RUNDC1: variants seen among roughly 807,000 people sequenced by gnomAD.
RUNDC1 encodes RUN domain containing 1, also known as RUN domain-containing protein 1.
In RUNDC1, 31 loss-of-function variants were observed where a neutral mutation model predicts 49.3. The observed-to-expected ratio is 0.63, with a 90% CI of 0.47 to 0.85. RUNDC1 has a LOEUF of 0.85. Among genes scored for constraint, RUNDC1 ranks in the 40% least tolerant of loss-of-function variants. The pLI is 0.00. For missense variants in RUNDC1, 715 were observed against 806.7 expected (o/e 0.89, Z 1.38); for synonymous variants, 347 against 348.6 (o/e 1.00, Z 0.05).
chr17:42,984,969 C>T (rs898756520), intron 1 of RUNDC1, among the ~76,000 whole-genome samples: 2 of 136,328 alleles, frequency 1.5e-5, no homozygotes, highest in East Asian at 2.4e-4. Context: ...GGTCTTGGCT[C>T]ACTCCAACCT....
rs1418156446 is a variant in RUNDC1, at chr17:42,981,000, G to A, written c.424G>A (p.Gly142Arg). 6.5e-7 allele frequency: 1 copy of A among 1,546,268 alleles called. No individual in the cohort carries two copies. The highest frequency in any genetic ancestry group is 1.4e-5 in the African/African-American group (1 of 73,452). The change falls in exon 1 of 5, where the codon GGG becomes AGG. Residue 142 changes from glycine to arginine, a missense_variant. Coordinates refer to ENST00000361677, the MANE Select transcript of RUNDC1 (RefSeq NM_173079.5). ...RGCPHVLGYE[G>R]PGDPASDEGD... Reference sequence around the variant, plus strand: ...CTGCCCTCACGTCCTAGGTTACGAAGGGCCCGGCGACCCCGCCAGCGATGA... The same window carrying A: ...CTGCCCTCACGTCCTAGGTTACGAAAGGCCCGGCGACCCCGCCAGCGATGA...
Position 42,990,888 on chromosome 17 carries a change from G to T in RUNDC1, c.1014G>T (p.Gly338=). 1 of 1,607,410 alleles carries T rather than the reference G, an allele frequency of 6.2e-7. No homozygotes were observed. Among genetic ancestry groups the T allele is most frequent in the Non-Finnish European group, 8.5e-7 (1 of 1,175,002 alleles). Residue 338 remains glycine, a synonymous_variant, in exon 5 of 5, where the codon GGG becomes GGT. Coordinates refer to ENST00000361677, the MANE Select transcript of RUNDC1 (RefSeq NM_173079.5). ...AEDVKKVRET[G]LHLMRRALAV... is the part of the protein sequence containing the mutation. The stretch of plus-strand genomic sequence containing the variant: ...ATGTGAAGAAAGTCCGGGAGACGGG[G>T]CTGCACCTGATGCGGCGAGCGCTGG...
intron 1 of RUNDC1, among the ~76,000 whole-genome samples, chr17:42,986,732 C>G (rs533538788): frequency 3.9e-3 from 586 of 152,070 alleles, no homozygotes; most frequent in Non-Finnish European, 5.7e-3. Context: ...ATCTCCTGAC[C>G]TCGTGATCCA....
At position 42,991,898 on chromosome 17, in the gene RUNDC1, G is replaced by A; in HGVS notation, c.*182G>A. On this transcript the variant is annotated 3_prime_UTR_variant, in exon 5 of 5. Transcript: ENST00000361677. Reference sequence around the variant, plus strand: ...ACCAACTTAGCTCTCGGAAAGATGTGCTGGAGGGACCCTCTTGTTAAGAAG... The same window carrying A: ...ACCAACTTAGCTCTCGGAAAGATGTACTGGAGGGACCCTCTTGTTAAGAAG... 1 of 648,222 alleles carries A rather than the reference G, an allele frequency of 1.5e-6. No homozygotes were observed. The highest frequency in any genetic ancestry group is 2.6e-6 in the Non-Finnish European group (1 of 384,202). 40.2% of individuals were successfully genotyped at this position (648,222 alleles called of 1,614,324 possible).
intron 1 of RUNDC1, among the ~76,000 whole-genome samples, chr17:42,984,376 G>A (rs762925896): frequency 4.0e-5 from 6 of 151,566 alleles, no homozygotes; most frequent in Non-Finnish European, 7.4e-5. Context: ...CACCTCCTAG[G>A]TTCAAGCTGT....
rs2050271147 is a variant in RUNDC1, at chr17:42,993,431, T to G, written c.*1715T>G. On this transcript the variant is annotated 3_prime_UTR_variant, in exon 5 of 5. Transcript: ENST00000361677. Reference sequence around the variant, plus strand: ...ACTTTGTTTCTGCACTATTATGTAGTGCATTTTAACTTAAATTTTTTCCAG... The same window carrying G: ...ACTTTGTTTCTGCACTATTATGTAGGGCATTTTAACTTAAATTTTTTCCAG... 1 of 152,236 alleles carries G rather than the reference T, an allele frequency of 6.6e-6. No homozygotes were observed. Among genetic ancestry groups the G allele is most frequent in the Non-Finnish European group, 1.5e-5 (1 of 68,042 alleles). The allele number at this position is 152,236 out of a possible 1,614,324, so 9.4% of individuals were successfully genotyped here. A position where few individuals can be genotyped will look rare whatever the true frequency, so the allele number is the denominator to read the frequency against.
At chr17:42,988,239 G>A (rs2050194986) in intron 2 of RUNDC1, among the ~76,000 whole-genome samples, 1 of 143,076 alleles carries the variant, frequency 7.0e-6, no homozygotes, top group Admixed American at 7.6e-5. Flanking sequence ...TGGCTGGGCT[G>A]GAGTTTACGA....
chr17:42,986,561 G>A (rs931480594), intron 1 of RUNDC1, among the ~76,000 whole-genome samples: 1 of 151,722 alleles, frequency 6.6e-6, no homozygotes, highest in African/African-American at 2.4e-5. Context: ...GCAGTGGCGC[G>A]ATCTCTGCTC....
intron 1 of RUNDC1, among the ~76,000 whole-genome samples, chr17:42,983,190 A>C (rs2050126332): frequency 7.2e-6 from 1 of 138,402 alleles, no homozygotes; most frequent in East Asian, 2.1e-4. Flanking sequence ...TCAAAAAAAA[A>C]AGGCAAAAGA....
At chr17:42,983,076 G>A (rs1305292662) in intron 1 of RUNDC1, among the ~76,000 whole-genome samples, 1 of 151,426 alleles carries the variant, frequency 6.6e-6, no homozygotes, top group Middle Eastern at 3.2e-3. Flanking sequence ...CACTTGGGGA[G>A]GCGAAGGCTG....
rs1177200803 is a variant in RUNDC1, at chr17:42,989,455, A to C, written c.772A>C (p.Asn258His). The change falls in exon 3 of 5, where the codon AAC becomes CAC. Residue 258 changes from asparagine to histidine, a missense_variant. Transcript: ENST00000361677. ...AGATGCAGCAGTGGCTCAGATCGTC[A>C]ACCCAGCCCGAGTCAAAGAACAGTT... The part of the protein sequence containing the change: ...RVDAAVAQIV[N>H]PARVKEQLVE... 1 of 1,614,178 alleles carries C rather than the reference A, an allele frequency of 6.2e-7. No individual in the cohort carries two copies.
rs1419011604 is a variant in RUNDC1 at position 42,988,219 on chromosome 17, G to A, written c.657+805G>A. 2.0e-5 allele frequency among the ~76,000 whole-genome samples: 3 copies of A among 151,244 alleles called. No homozygotes were observed. In the Admixed American group the frequency reaches 2.0e-4, roughly 10 times the overall value. On this transcript the variant is annotated intron_variant, in intron 2 of 4. Coordinates refer to ENST00000361677, the MANE Select transcript of RUNDC1 (RefSeq NM_173079.5). ...CATGTTTCTCTACCCCTGTGCTGTG[G>A]CTGTTTTTCTGGCTGGGCTGGAGTT...
chr17:42,988,256 A>ATT (rs35256791), intron 2 of RUNDC1, among the ~76,000 whole-genome samples: 14,771 of 146,796 alleles, frequency 0.1, 1,344 homozygotes, highest in African/African-American at 0.23. Flanking sequence ...ACGATATCAG[A>ATT]TTTTTTTTTT....
intron 3 of RUNDC1, 66 bp downstream of exon 3, chr17:42,989,605 C>A (rs946740134): frequency 7.0e-7 from 1 of 1,428,794 alleles, no homozygotes; most frequent in African/African-American, 1.4e-5. Context: ...ATTCTAAGTA[C>A]TAGTAAAAAG....
intron 1 of RUNDC1, chr17:42,985,711 G>T (rs1195597143): frequency 4.1e-6 from 4 of 980,886 alleles, no homozygotes; most frequent in African/African-American, 3.6e-5. Flanking sequence ...AGTTTAAGAC[G>T]CAGCCTTGCC....
intron 1 of RUNDC1, among the ~76,000 whole-genome samples, chr17:42,986,647 G>A (rs530783219): frequency 1.1e-4 from 17 of 152,100 alleles, no homozygotes; most frequent in South Asian, 2.1e-4. Flanking sequence ...ACAGGCGCCC[G>A]CCACCACACC....
chr17:42,980,690 G>A lies in RUNDC1; in HGVS notation c.114G>A (p.Val38=), dbSNP rs2050063344. ...AGCCGCTGCCACCGTGCGAGGCGGT[G>A]CGCTGGGCCCCAGTGGGGGCGGTGG... ...EEEPLPPCEA[V]RWAPVGAVAE... The change falls in exon 1 of 5, where the codon GTG becomes GTA. Residue 38 remains valine (V), a synonymous_variant. Coordinates refer to ENST00000361677, the MANE Select transcript of RUNDC1 (RefSeq NM_173079.5). 1.3e-6 allele frequency: 2 copies of A among 1,570,118 alleles called. No homozygotes were observed. The highest frequency in any genetic ancestry group is 8.6e-7 in the Non-Finnish European group (1 of 1,161,352).
Position 42,980,756 on chromosome 17 carries a change from G to A in RUNDC1, c.180G>A (p.Ala60=). 1.3e-6 allele frequency: 2 copies of A among 1,515,580 alleles called. No homozygotes were observed. The highest frequency in any genetic ancestry group is 1.8e-6 in the Non-Finnish European group (2 of 1,136,910). The allele number at this position is 1,515,580 out of a possible 1,614,324, so 93.9% of individuals were successfully genotyped here. Residue 60 remains alanine (A), a synonymous_variant, in exon 1 of 5, where the codon GCG becomes GCA. Coordinates refer to ENST00000361677, the MANE Select transcript of RUNDC1 (RefSeq NM_173079.5). ...GGGCAACCGCGTTTTTAGAAGAGGC[G>A]ACGGCCGAGGAGCCTGGCGCGGCCC... ...RPGATAFLEE[A]TAEEPGAAPG... is the part of the protein sequence containing the mutation.
intron 1 of RUNDC1, among the ~76,000 whole-genome samples, chr17:42,985,282 C>A (rs1032762578): frequency 6.6e-6 from 1 of 152,208 alleles, no homozygotes; most frequent in African/African-American, 2.4e-5. Context: ...GGTTCAAAGT[C>A]AAAACCTTTG....
Sources: gnomAD v4.1 joint callset for allele counts (sites outside exome capture counted in the v4.1 genomes callset) on GRCh38, gnomAD v4.1.1 for gene constraint, MANE v1.5 for transcripts, NCBI Gene and HGNC (gene_info 2026-07-23, HGNC 2026-07-21) for gene names.